Variants in SLC9C1 observed in about 807,000 individuals in gnomAD.
SLC9C1 encodes the protein solute carrier family 9 member C1.
Under a neutral mutation model 140.9 loss-of-function variants are expected in SLC9C1, and 97 were observed. That is an observed-to-expected ratio of 0.69 (90% CI 0.58 to 0.82). SLC9C1 has a LOEUF of 0.82. SLC9C1 is among the 40% of genes least tolerant of loss of function. The pLI is 0.00. For missense variants in SLC9C1, 1,340 were observed against 1,389.3 expected, an observed-to-expected ratio of 0.96 and a Z score of 0.56; for synonymous variants, 440 against 442.6, an observed-to-expected ratio of 0.99 and a Z score of 0.07.
At chr3:112,221,762 A>G (rs547123296) in intron 13 of SLC9C1, among the ~76,000 whole-genome samples, 3 of 152,252 alleles carry the variant, frequency 2.0e-5, no homozygotes, top group African/African-American at 7.2e-5. Flanking sequence ...ATTTGGCAGA[A>G]TGCAGTCACT....
At chr3:112,178,379 C>G (rs2077378648) in intron 23 of SLC9C1, among the ~76,000 whole-genome samples, 1 of 152,122 alleles carries the variant, frequency 6.6e-6, no homozygotes, top group Non-Finnish European at 1.5e-5. Flanking sequence ...CCTCCTGCCC[C>G]AGCCTCCCAA....
rs1408762650 is a variant in SLC9C1 at position 112,179,708 on chromosome 3, A to T, written c.2749-7T>A. 1.2e-5 allele frequency: 19 copies of T among 1,574,922 alleles called. No individual in the cohort carries two copies. The highest frequency in any genetic ancestry group is 1.6e-5 in the Non-Finnish European group (19 of 1,167,344). On this transcript the variant is annotated splice_region_variant and splice_polypyrimidine_tract_variant and intron_variant, in intron 22 of 28. Transcript: ENST00000305815. ...CTGGCTTTGATTTTTCAAGCTGTTC[A>T]GGAACAAAGAAAGAGAAAAATACAT...
At chr3:112,279,062 G>C in intron 3 of SLC9C1, 1 of 422,660 alleles carries the variant, frequency 2.4e-6, no homozygotes, top group South Asian at 3.1e-5. Context: ...AGAATAGAAC[G>C]GATAGAGACT....
At chr3:112,248,533 G>T (rs1168568990) in intron 10 of SLC9C1, among the ~76,000 whole-genome samples, 1 of 151,898 alleles carries the variant, frequency 6.6e-6, no homozygotes, top group Non-Finnish European at 1.5e-5. Context: ...TTTTCTGTTA[G>T]TTGCTAGTAT....
chr3:112,288,815 C>T (rs964716799), intron 1 of SLC9C1, among the ~76,000 whole-genome samples: 16 of 151,982 alleles, frequency 1.1e-4, no homozygotes, highest in Non-Finnish European at 8.8e-5. Context: ...GTCTGATGGG[C>T]TTCTGCTTGT....
intron 15 of SLC9C1, among the ~76,000 whole-genome samples, chr3:112,211,198 A>G (rs1431809651): frequency 1.3e-5 from 2 of 152,238 alleles, no homozygotes; most frequent in African/African-American, 4.8e-5. Context: ...ATTCCTCAAA[A>G]TATTTTGCAA....
In SLC9C1 at chr3:112,233,062, TA is replaced by T. The variant is rs1486331157; in HGVS notation, c.1447-1577del. Among the ~76,000 whole-genome samples the T allele has an allele frequency of 6.4e-3, 390 of 61,004 alleles. 6 individuals are homozygous for T. In the South Asian group the frequency reaches 0.08, roughly 12 times the overall value. The allele number at this position is 61,004 out of a possible 152,430, so 40.0% of individuals were successfully genotyped here. A position where few individuals can be genotyped will look rare whatever the true frequency, so the allele number is the denominator to read the frequency against. On this transcript the variant is annotated intron_variant, in intron 12 of 28. Transcript: ENST00000305815. ...ACACACACACACACATATATATATA[TA>T]TATATTATATTTTTTTTTTTTTTAA...
At chr3:112,190,336 T>C (rs2077631456) in intron 20 of SLC9C1, among the ~76,000 whole-genome samples, 1 of 152,172 alleles carries the variant, frequency 6.6e-6, no homozygotes, top group East Asian at 1.9e-4. Context: ...ATGCTTCCAT[T>C]TTTTGCCCCT....
chr3:112,213,547 G>A (rs948807286), intron 15 of SLC9C1, among the ~76,000 whole-genome samples: 2 of 152,020 alleles, frequency 1.3e-5, no homozygotes, highest in Admixed American at 6.6e-5. Context: ...AAACAGCAGA[G>A]GTTGCAATCC....
At chr3:112,147,081 T>C (rs1021229219) in intron 28 of SLC9C1, among the ~76,000 whole-genome samples, 1 of 152,192 alleles carries the variant, frequency 6.6e-6, no homozygotes, top group Non-Finnish European at 1.5e-5. Context: ...CTGTTTCCTA[T>C]TTAAAGTCTG....
chr3:112,205,855 A>T (rs2078032444), intron 16 of SLC9C1, among the ~76,000 whole-genome samples: 1 of 102,800 alleles, frequency 9.7e-6, no homozygotes, highest in South Asian at 5.3e-4. Context: ...AATCAATTCA[A>T]GATGGATTAA....
At chr3:112,211,123 T>G (rs1313725897) in intron 15 of SLC9C1, among the ~76,000 whole-genome samples, 1 of 152,230 alleles carries the variant, frequency 6.6e-6, no homozygotes, top group East Asian at 1.9e-4. Context: ...TCTATGACTG[T>G]AAATAAGGCC....
intron 6 of SLC9C1, among the ~76,000 whole-genome samples, chr3:112,273,901 T>G (rs901928160): frequency 6.6e-6 from 1 of 152,062 alleles, no homozygotes; most frequent in Non-Finnish European, 1.5e-5. Context: ...TCCACAGGAA[T>G]GGGGGCAGTG....
At chr3:112,278,269 G>A (rs73853386) in intron 4 of SLC9C1, among the ~76,000 whole-genome samples, 2,920 of 152,170 alleles carry the variant, frequency 0.019, 100 homozygotes, top group African/African-American at 0.065. Context: ...CCCTGATACC[G>A]TTCAAATCTC....
At chr3:112,176,059 A>G (rs1483343449) in intron 23 of SLC9C1, among the ~76,000 whole-genome samples, 29 of 152,156 alleles carry the variant, frequency 1.9e-4, no homozygotes, top group Admixed American at 1.9e-3. Context: ...AGGCCTGGGT[A>G]TCTAAGGCTC....
At position 112,179,621 on chromosome 3, in the gene SLC9C1, G is replaced by T; in HGVS notation, c.2829C>A (p.Asp943Glu). Residue 943 changes from aspartate (D) to glutamate (E), a missense_variant, in exon 23 of 29, where the codon GAC becomes GAA. Physicochemically the swap from Asp to Glu is conservative, Grantham distance 45 (BLOSUM62 2). Transcript: ENST00000305815. ...KEKDFPIIDT[D>E]YMLSGEIIGE... ...CTATTATTTCTCCACTGAGCATATA[G>T]TCTGTGTCAATTATCGGAAAATCTT... 1 of 1,611,642 alleles carries T rather than the reference G, an allele frequency of 6.2e-7. No homozygotes were observed. Among genetic ancestry groups the T allele is most frequent in the Non-Finnish European group, 8.5e-7 (1 of 1,179,008 alleles).
chr3:112,221,261 G>T, intron 13 of SLC9C1, 36 bp from the exon 14 acceptor site: 1 of 1,536,714 alleles, frequency 6.5e-7, no homozygotes, highest in South Asian at 1.1e-5. Context: ...TATATAGCAT[G>T]AATAACGATG....
chr3:112,213,786 T>C (rs975108643), intron 15 of SLC9C1, among the ~76,000 whole-genome samples: 3 of 152,166 alleles, frequency 2.0e-5, no homozygotes, highest in African/African-American at 4.8e-5. Context: ...ACTGTCAACA[T>C]TGGACAGAAC....
intron 1 of SLC9C1, among the ~76,000 whole-genome samples, chr3:112,287,586 G>C (rs1235633177): frequency 1.3e-5 from 2 of 152,180 alleles, no homozygotes; most frequent in Non-Finnish European, 2.9e-5. Context: ...TGAAACAATA[G>C]ACAGTTAACC....
Sources: allele counts gnomAD v4.1 joint callset (sites outside exome capture counted in the v4.1 genomes callset), GRCh38; gene constraint gnomAD v4.1.1; transcripts MANE v1.5; gene names NCBI Gene and HGNC (gene_info 2026-07-23, HGNC 2026-07-21).